Variants in GALNT17 observed in about 807,000 individuals in gnomAD.
The protein encoded by GALNT17 is polypeptide N-acetylgalactosaminyltransferase 17.
GALNT17 carries 29 observed loss-of-function variants against 63.7 expected under a neutral mutation model. The observed-to-expected ratio is 0.46, with a 90% CI of 0.34 to 0.62. The LOEUF (loss-of-function observed/expected upper bound fraction) is 0.62. Among genes scored for constraint, GALNT17 ranks in the 20% least tolerant of loss-of-function variants. The pLI is 0.01. For missense variants in GALNT17, 603 were observed against 799.6 expected, an observed-to-expected ratio of 0.75 and a Z score of 2.97; for synonymous variants, 305 against 318.3, an observed-to-expected ratio of 0.96 and a Z score of 0.45.
intron 6 of GALNT17, among the ~76,000 whole-genome samples, chr7:71,644,507 G>A (rs1176045259): frequency 5.5e-5 from 6 of 108,780 alleles, no homozygotes; most frequent in Admixed American, 1.3e-4. Flanking sequence ...CCAGCCTGGC[G>A]ACAGAGCGAG....
intron 5 of GALNT17, among the ~76,000 whole-genome samples, chr7:71,517,352 C>G (rs1788461176): frequency 1.3e-5 from 2 of 152,142 alleles, no homozygotes; most frequent in Non-Finnish European, 2.9e-5. Context: ...GAAACCTAAT[C>G]ACCTCCCAAA....
chr7:71,299,155 G>A (rs1052853095), intron 1 of GALNT17, among the ~76,000 whole-genome samples: 5 of 152,130 alleles, frequency 3.3e-5, no homozygotes, highest in African/African-American at 4.8e-5. Flanking sequence ...CTGAGCCTGC[G>A]GGGAGGCAGC....
intron 1 of GALNT17, among the ~76,000 whole-genome samples, chr7:71,312,923 A>G (rs1041360042): frequency 6.6e-6 from 1 of 152,182 alleles, no homozygotes; most frequent in African/African-American, 2.4e-5. Context: ...CAGCCTGGGC[A>G]GCATAGCAAG....
At chr7:71,359,612 A>G (rs1301121771) in intron 2 of GALNT17, among the ~76,000 whole-genome samples, 1 of 150,764 alleles carries the variant, frequency 6.6e-6, no homozygotes, top group South Asian at 2.1e-4. Context: ...TTTTAGACAG[A>G]TCTTGCTGTC....
intron 5 of GALNT17, among the ~76,000 whole-genome samples, chr7:71,496,068 C>T (rs1217040290): frequency 6.6e-6 from 1 of 152,222 alleles, no homozygotes; most frequent in African/African-American, 2.4e-5. Flanking sequence ...GAAGAGAAAG[C>T]ACTGGGAACC....
At chr7:71,417,515 G>C (rs1786557005) in intron 4 of GALNT17, among the ~76,000 whole-genome samples, 2 of 152,100 alleles carry the variant, frequency 1.3e-5, no homozygotes, top group Admixed American at 1.3e-4. Flanking sequence ...TGGCGCCCCA[G>C]ACCCACAGCA....
At chr7:71,540,566 A>T (rs1788872588) in intron 5 of GALNT17, among the ~76,000 whole-genome samples, 1 of 152,098 alleles carries the variant, frequency 6.6e-6, no homozygotes, top group Non-Finnish European at 1.5e-5. Context: ...CCCTTTGTAG[A>T]GTATTTTAAT....
intron 1 of GALNT17, among the ~76,000 whole-genome samples, chr7:71,281,031 C>G (rs943849640): frequency 2.0e-5 from 3 of 152,160 alleles, no homozygotes; most frequent in Non-Finnish European, 4.4e-5. Flanking sequence ...TAGATAGTTT[C>G]AGCACAGAAA....
chr7:71,175,021 A>G (rs746520752), intron 1 of GALNT17, among the ~76,000 whole-genome samples: 4 of 152,230 alleles, frequency 2.6e-5, no homozygotes, highest in African/African-American at 4.8e-5. Flanking sequence ...CTCAACCCCT[A>G]GATTCTACAA....
Position 71,676,539 on chromosome 7 carries a change from A to G in GALNT17, c.1405-672A>G, listed in dbSNP as rs117144584. Among the ~76,000 whole-genome samples the G allele has an allele frequency of 8.9e-3, 1,359 of 152,156 alleles. 6 individuals are homozygous for G. Among genetic ancestry groups the G allele is most frequent in the Non-Finnish European group, 0.012 (794 of 68,016 alleles). Reference sequence around the variant, plus strand: ...GCTGGGACTACAAGTGTTTGCTACCATGGCTGGTTAATTTGTTTTAATGTT... The same window carrying G: ...GCTGGGACTACAAGTGTTTGCTACCGTGGCTGGTTAATTTGTTTTAATGTT... On this transcript the variant is annotated intron_variant, in intron 8 of 10. Transcript: ENST00000333538.
chr7:71,576,509 G>GCAT (rs975344409), intron 6 of GALNT17, among the ~76,000 whole-genome samples: 2 of 148,030 alleles, frequency 1.4e-5, no homozygotes, highest in African/African-American at 5.0e-5. Context: ...AGCCTTGCCA[G>GCAT]CATCTGTTGT....
intron 1 of GALNT17, among the ~76,000 whole-genome samples, chr7:71,134,835 GTTTTTTTTTTTTTTTT>G (rs561383417): frequency 3.5e-5 from 2 of 57,908 alleles, no homozygotes; most frequent in African/African-American, 7.2e-5. Context: ...TTGTTTTATG[GTTTTTTTTTTTTTTTT>G]TTTTTTTTTT....
intron 1 of GALNT17, among the ~76,000 whole-genome samples, chr7:71,166,951 G>A (rs919150289): frequency 2.6e-5 from 4 of 151,752 alleles, no homozygotes; most frequent in African/African-American, 7.3e-5. Flanking sequence ...GTACAGTGGC[G>A]TGACCATAGC....
chr7:71,238,795 T>C lies in GALNT17; in HGVS notation c.239-96755T>C, dbSNP rs372326195. 5.3e-5 allele frequency among the ~76,000 whole-genome samples: 8 copies of C among 152,326 alleles called. No individual in the cohort carries two copies. In the East Asian group the frequency reaches 7.7e-4, roughly 15 times the overall value. On this transcript the variant is annotated intron_variant, in intron 1 of 10. Coordinates refer to ENST00000333538, the MANE Select transcript of GALNT17 (RefSeq NM_022479.3). ...TCTCCCCTGGAATGTGGGTGGGACC[T>C]ATTGACTCATTCTAATAACTACAAT...
At chr7:71,290,950 T>C (rs1790968559) in intron 1 of GALNT17, among the ~76,000 whole-genome samples, 1 of 152,208 alleles carries the variant, frequency 6.6e-6, no homozygotes, top group South Asian at 2.1e-4. Context: ...AGCCTTGGTT[T>C]CCACATTGAG....
At chr7:71,159,094 C>T (rs1319638872) in intron 1 of GALNT17, among the ~76,000 whole-genome samples, 2 of 151,694 alleles carry the variant, frequency 1.3e-5, no homozygotes, top group African/African-American at 2.4e-5. Flanking sequence ...AATAGCTGTC[C>T]GTAGCTGACT....
intron 9 of GALNT17, among the ~76,000 whole-genome samples, chr7:71,707,125 A>G (rs1205403141): frequency 6.6e-6 from 1 of 152,004 alleles, no homozygotes; most frequent in Admixed American, 6.6e-5. Context: ...TGCATTATTT[A>G]TTCTCTTTAC....
Position 71,649,181 on chromosome 7 carries a change from G to A in GALNT17, c.1081-16230G>A, listed in dbSNP as rs756376774. Among the ~76,000 whole-genome samples, 7 of 152,164 alleles carry A rather than the reference G, an allele frequency of 4.6e-5. No homozygotes were observed. The South Asian group carries it at 8.3e-4, about 18-fold the overall frequency. ...TGCAAGGTGCTTCTCAAGCTCTGCC[G>A]ACAGTTGAGAGCTCTGTCCTGGCCC... is the stretch of plus-strand genomic sequence containing the variant. On this transcript the variant is annotated intron_variant, in intron 6 of 10. Transcript: ENST00000333538.
intron 5 of GALNT17, among the ~76,000 whole-genome samples, chr7:71,570,399 T>C (rs1043751586): frequency 3.9e-5 from 6 of 152,142 alleles, no homozygotes; most frequent in Non-Finnish European, 7.4e-5. Flanking sequence ...TCTTCCAGCA[T>C]AACGTGGAAA....
Sources: allele counts gnomAD v4.1 joint callset (sites outside exome capture counted in the v4.1 genomes callset), GRCh38; gene constraint gnomAD v4.1.1; transcripts MANE v1.5; gene names NCBI Gene and HGNC (gene_info 2026-07-23, HGNC 2026-07-21).